SRPK1: variants seen among roughly 807,000 people sequenced by gnomAD.
SRPK1 encodes SFRS protein kinase 1.
In SRPK1, 52 loss-of-function variants were observed where a neutral mutation model predicts 89.5. That is an observed-to-expected ratio of 0.58 (90% confidence interval 0.46 to 0.73). The LOEUF is 0.73. Ranked by LOEUF, SRPK1 falls within the 30% of genes least tolerant of loss-of-function variation. The pLI is 0.00. For synonymous variants in SRPK1, 255 were observed against 270.2 expected (o/e 0.94, Z 0.55); for missense variants, 603 against 780.6 (o/e 0.77, Z 2.71).
chr6:35,863,786 G>A (rs1769837975), intron 12 of SRPK1, among the ~76,000 whole-genome samples: 1 of 152,124 alleles, frequency 6.6e-6, no homozygotes, highest in Admixed American at 6.5e-5. Context: ...ACTCATTAAT[G>A]AGCAATAAGT....
At chr6:35,841,923 T>C (rs969632288) in intron 14 of SRPK1, among the ~76,000 whole-genome samples, 3 of 151,308 alleles carry the variant, frequency 2.0e-5, no homozygotes, top group Non-Finnish European at 4.4e-5. Context: ...GCCATCATAA[T>C]AGAAAAATCA....
In SRPK1 at chr6:35,835,365, A is replaced by C; in HGVS notation, c.1907T>G (p.Leu636Arg). The C allele has an allele frequency of 6.2e-7, 1 of 1,613,878 alleles. No homozygotes were observed. Among genetic ancestry groups the C allele is most frequent in the Non-Finnish European group, 8.5e-7 (1 of 1,179,850 alleles). Residue 636 changes from leucine to arginine, a missense_variant, in exon 16 of 16, where the codon CTG (leucine) becomes CGG (arginine). Transcript: ENST00000373825. ...GGCAGTGGCTCTCTTCTCAGGGATCAGCTCCAACATGGGCAGTAAGAAATC... is the reference window on the plus strand; with the variant it reads ...GGCAGTGGCTCTCTTCTCAGGGATCCGCTCCAACATGGGCAGTAAGAAATC... ...FTDFLLPMLE[L>R]IPEKRATAAE...
At chr6:35,885,298 C>CACAGAGAG (rs1276672274) in intron 6 of SRPK1, among the ~76,000 whole-genome samples, 40 of 113,184 alleles carry the variant, frequency 3.5e-4, no homozygotes, top group East Asian at 8.8e-4. Flanking sequence ...CACACACACA[C>CACAGAGAG]AGAGAGAGAG....
intron 6 of SRPK1, among the ~76,000 whole-genome samples, chr6:35,885,991 TAATA>T (rs1465522178): frequency 1.3e-5 from 2 of 152,312 alleles, no homozygotes; most frequent in Admixed American, 6.5e-5. Flanking sequence ...AGGCTTAGTA[TAATA>T]AATACAATCA....
chr6:35,920,387 G>A (rs776213794), intron 2 of SRPK1, 81 bp downstream of exon 2: 2 of 1,525,310 alleles, frequency 1.3e-6, no homozygotes, highest in South Asian at 1.1e-5. Context: ...CAAACCCGGT[G>A]CACGTTCAAG....
intron 13 of SRPK1, among the ~76,000 whole-genome samples, chr6:35,845,448 A>G (rs993437633): frequency 2.6e-5 from 4 of 152,240 alleles, no homozygotes; most frequent in Non-Finnish European, 4.4e-5. Flanking sequence ...AAACCCAAAT[A>G]AAACCAGTGT....
chr6:35,917,955 AACT>A (rs1194349045), intron 2 of SRPK1, among the ~76,000 whole-genome samples: 1 of 152,192 alleles, frequency 6.6e-6, no homozygotes, highest in African/African-American at 2.4e-5. Context: ...CCAAAGACCA[AACT>A]CTATGGCATG....
intron 15 of SRPK1, 95 bp from the exon 16 acceptor site, chr6:35,835,583 T>C (rs1769162263): frequency 5.3e-6 from 6 of 1,139,808 alleles, no homozygotes; most frequent in Non-Finnish European, 7.1e-6. Flanking sequence ...ATGTAGTCTA[T>C]GAGGAATCAA....
At chr6:35,911,716 C>A (rs769933531) in intron 2 of SRPK1, among the ~76,000 whole-genome samples, 2 of 152,046 alleles carry the variant, frequency 1.3e-5, no homozygotes, top group Non-Finnish European at 2.9e-5. Flanking sequence ...CAGGTGCATG[C>A]CACCACACCC....
chr6:35,863,892 T>TACC (rs1769839753), intron 12 of SRPK1, among the ~76,000 whole-genome samples: 1 of 152,208 alleles, frequency 6.6e-6, no homozygotes, highest in Non-Finnish European at 1.5e-5. Context: ...AAACTACTCT[T>TACC]ACCCTAAGTA....
At chr6:35,845,855 ATTAAC>A (rs1218712251) in intron 13 of SRPK1, among the ~76,000 whole-genome samples, 11 of 152,224 alleles carry the variant, frequency 7.2e-5, no homozygotes, top group African/African-American at 2.7e-4. Context: ...TGCTCAATGT[ATTAAC>A]TTAAGGGCCC....
chr6:35,846,126 T>G (rs1393873778), intron 13 of SRPK1, among the ~76,000 whole-genome samples: 2 of 151,972 alleles, frequency 1.3e-5, no homozygotes, highest in African/African-American at 4.8e-5. Flanking sequence ...TTTAGAAAGA[T>G]AAAAAATTTC....
At chr6:35,858,465 C>T (rs73404059) in intron 12 of SRPK1, among the ~76,000 whole-genome samples, 7 of 143,092 alleles carry the variant, frequency 4.9e-5, no homozygotes, top group Non-Finnish European at 1.1e-4. Context: ...AATTATCTTA[C>T]AGACTTCCAC....
At chr6:35,865,545 C>T (rs1326755) in intron 12 of SRPK1, among the ~76,000 whole-genome samples, 115,624 of 151,894 alleles carry the variant, frequency 0.76, 44,971 homozygotes, top group African/African-American at 0.94. Flanking sequence ...TGACCTAAAA[C>T]TATACAAGGT....
intron 2 of SRPK1, among the ~76,000 whole-genome samples, chr6:35,900,665 A>C (rs1770722568): frequency 6.6e-6 from 1 of 152,204 alleles, no homozygotes; most frequent in African/African-American, 2.4e-5. Context: ...GAGAAAAATT[A>C]AGTAGGGCAA....
chr6:35,912,492 G>A (rs1393166013), intron 2 of SRPK1, among the ~76,000 whole-genome samples: 2 of 152,140 alleles, frequency 1.3e-5, no homozygotes, highest in East Asian at 1.9e-4. Context: ...AAGACATGAC[G>A]CTACTGCAAA....
intron 12 of SRPK1, among the ~76,000 whole-genome samples, chr6:35,862,859 T>C (rs577003863): frequency 6.6e-6 from 1 of 152,116 alleles, no homozygotes; most frequent in South Asian, 2.1e-4. Context: ...ACCCCAGAAA[T>C]TCTAGAACTA....
At chr6:35,842,094 A>C (rs1581988988) in intron 14 of SRPK1, among the ~76,000 whole-genome samples, 1 of 152,204 alleles carries the variant, frequency 6.6e-6, no homozygotes, top group Non-Finnish European at 1.5e-5. Context: ...GGGAAAAAAG[A>C]ATGCTAAATT....
intron 12 of SRPK1, among the ~76,000 whole-genome samples, chr6:35,862,826 A>AACG (rs1002349579): frequency 5.2e-5 from 7 of 134,214 alleles, no homozygotes; most frequent in African/African-American, 2.3e-4. Context: ...GATATCTTAA[A>AACG]ACAACAACAA....
Sources: allele counts gnomAD v4.1 joint callset (sites outside exome capture counted in the v4.1 genomes callset), GRCh38; gene constraint gnomAD v4.1.1; transcripts MANE v1.5; gene names NCBI Gene and HGNC (gene_info 2026-07-23, HGNC 2026-07-21).